PRKCH: variants seen among roughly 807,000 people sequenced by gnomAD.
PRKCH encodes protein kinase C eta type.
PRKCH carries 28 observed loss-of-function variants against 82.5 expected under a neutral mutation model. The ratio of observed to expected loss-of-function variants is 0.34; its 90% CI spans 0.25 to 0.47. The LOEUF (loss-of-function observed/expected upper bound fraction) is 0.47, where lower values mean the gene tolerates loss of function less well. Ranked by LOEUF, PRKCH falls within the 20% of genes least tolerant of loss-of-function variation. The pLI is 1.00. For synonymous variants in PRKCH, 322 were observed against 327.4 expected, an observed-to-expected ratio of 0.98 and a Z score of 0.18; for missense variants, 705 against 881.8, an observed-to-expected ratio of 0.80 and a Z score of 2.54.
chr14:61,468,713 G>A (rs954610490), intron 9 of PRKCH, among the ~76,000 whole-genome samples: 6 of 152,132 alleles, frequency 3.9e-5, no homozygotes, highest in African/African-American at 1.4e-4. Flanking sequence ...GTTGTAACTG[G>A]TCTTGTTTTT....
chr14:61,427,287 G>T (rs1883155064), intron 2 of PRKCH, among the ~76,000 whole-genome samples: 1 of 152,150 alleles, frequency 6.6e-6, no homozygotes, highest in Non-Finnish European at 1.5e-5. Context: ...GAGTGTCTGG[G>T]TTAAGCTAAG....
intron 1 of PRKCH, among the ~76,000 whole-genome samples, chr14:61,325,992 T>C (rs1025501406): frequency 1.3e-5 from 2 of 152,208 alleles, no homozygotes; most frequent in East Asian, 1.9e-4. Flanking sequence ...CACCTGGAAC[T>C]CTCATATGCT....
intron 12 of PRKCH, among the ~76,000 whole-genome samples, chr14:61,534,398 C>G (rs1448517109): frequency 6.6e-6 from 1 of 152,208 alleles, no homozygotes; most frequent in African/African-American, 2.4e-5. Context: ...AGGGCCAGAT[C>G]AAGGTATACT....
intron 1 of PRKCH, chr14:61,347,989 T>G (rs2046019271): frequency 6.6e-6 from 1 of 152,436 alleles, no homozygotes; most frequent in South Asian, 2.1e-4. Flanking sequence ...CCAAGCTGAT[T>G]CTTCTGGGTG....
rs1886172531 is a variant in PRKCH, at chr14:61,485,380, T to G, written c.1279-122T>G. The G allele has an allele frequency of 2.5e-5, 32 of 1,291,416 alleles. No homozygotes were observed. In the South Asian group the frequency reaches 4.3e-4, roughly 17 times the overall value. The allele number at this position is 1,291,416 out of a possible 1,614,324, so 80.0% of individuals were successfully genotyped here. ...GCACCCTGACCCATGGTCAGGATGT[T>G]TCCTGGAATACATCCACTTGACAGT... On this transcript the variant is annotated intron_variant, in intron 9 of 13. Coordinates refer to ENST00000332981, the MANE Select transcript of PRKCH (RefSeq NM_006255.5).
At chr14:61,438,164 G>A (rs907120444) in intron 2 of PRKCH, among the ~76,000 whole-genome samples, 2 of 151,978 alleles carry the variant, frequency 1.3e-5, no homozygotes, top group Non-Finnish European at 2.9e-5. Flanking sequence ...AGCTTATAAG[G>A]GAAGAAGCCG....
Position 61,457,195 on chromosome 14 carries a change from C to T in PRKCH, c.980C>T (p.Thr327Ile). Residue 327 changes from threonine to isoleucine, a missense_variant, in exon 8 of 14, where the codon ACC (threonine) becomes ATC (isoleucine). Around this residue, in one of 5 missense-constraint regions of PRKCH, gnomAD observed 238 missense variants for 258.1 expected, o/e 0.92. Transcript: ENST00000332981. Reference protein sequence around the residue: ...SPTSKLVSRSTLRRQGKESSK... With the variant: ...SPTSKLVSRSILRRQGKESSK... ...TTTCAGAAACTCGTTTCCAGATCGACCCTAAGACGACAGGGAAAGGAGAGC... is the reference window on the plus strand; with the variant it reads ...TTTCAGAAACTCGTTTCCAGATCGATCCTAAGACGACAGGGAAAGGAGAGC... The T allele has an allele frequency of 6.2e-7, 1 of 1,614,030 alleles. No homozygotes were observed. The highest frequency in any genetic ancestry group is 8.5e-7 in the Non-Finnish European group (1 of 1,179,976).
rs77278093 is a variant in PRKCH, at chr14:61,222,440, A to T, written c.-19+34772A>T. Among the ~76,000 whole-genome samples the T allele has an allele frequency of 2.6e-3, 394 of 152,298 alleles. 6 individuals are homozygous for T. The highest frequency in any genetic ancestry group is 0.02 in the East Asian group (105 of 5,182). On this transcript the variant is annotated intron_variant, in intron 1 of 3. Transcript: ENST00000555185. Reference sequence around the variant, plus strand: ...TTTTTAAGACAATAAATGGCATTTTACTTCAAAACTCCCTCATATCCATGG... The same window carrying T: ...TTTTTAAGACAATAAATGGCATTTTTCTTCAAAACTCCCTCATATCCATGG...
chr14:61,191,413 C>T (rs997962458), intron 1 of PRKCH, among the ~76,000 whole-genome samples: 2 of 152,220 alleles, frequency 1.3e-5, no homozygotes, highest in Non-Finnish European at 2.9e-5. Context: ...TGGCTAACGC[C>T]TGTAATCCCA....
intron 1 of PRKCH, among the ~76,000 whole-genome samples, chr14:61,243,790 T>C (rs2140068075): frequency 6.6e-6 from 1 of 152,204 alleles, no homozygotes; most frequent in East Asian, 1.9e-4. Flanking sequence ...TGAAAGTGTT[T>C]TATAAAAAGC....
At chr14:61,535,791 C>G (rs924163335) in intron 12 of PRKCH, among the ~76,000 whole-genome samples, 2 of 152,178 alleles carry the variant, frequency 1.3e-5, no homozygotes, top group Non-Finnish European at 1.5e-5. Context: ...GATTAAGTGA[C>G]TTCTAGGATT....
At chr14:61,494,036 G>A (rs1000604046) in intron 10 of PRKCH, among the ~76,000 whole-genome samples, 1 of 152,160 alleles carries the variant, frequency 6.6e-6, no homozygotes, top group African/African-American at 2.4e-5. Flanking sequence ...AGGCAAAAGA[G>A]GAAGAAGTTT....
In PRKCH at chr14:61,487,764, G is replaced by A. The variant is rs75180087; in HGVS notation, c.1433+2108G>A. 2.6e-4 allele frequency among the ~76,000 whole-genome samples: 40 copies of A among 152,046 alleles called. No homozygotes were observed. The East Asian group carries it at 7.0e-3, about 26-fold the overall frequency. Reference sequence around the variant, plus strand: ...TCCCAGCACCTCGGAAGGCTGAGCGGGGAGGATCGCTTGAGCCTGGAAGTT... The same window carrying A: ...TCCCAGCACCTCGGAAGGCTGAGCGAGGAGGATCGCTTGAGCCTGGAAGTT... On this transcript the variant is annotated intron_variant, in intron 10 of 13. Coordinates refer to ENST00000332981, the MANE Select transcript of PRKCH (RefSeq NM_006255.5).
At chr14:61,505,395 C>CTTTTTTTTTTTTTTTTTTTTTTTTTTTT (rs60304150) in intron 10 of PRKCH, among the ~76,000 whole-genome samples, 8 of 55,764 alleles carry the variant, frequency 1.4e-4, no homozygotes, top group Admixed American at 3.0e-4. Flanking sequence ...CTTTTCTTTT[C>CTTTTTTTTTTTTTTTTTTTTTTTTTTTT]TTTTTTTTTT....
intron 1 of PRKCH, among the ~76,000 whole-genome samples, chr14:61,362,765 T>C (rs2046246705): frequency 6.6e-6 from 1 of 152,232 alleles, no homozygotes; most frequent in South Asian, 2.1e-4. Context: ...GATGACCCTC[T>C]TTGCATCTGA....
chr14:61,443,320 G>A, intron 3 of PRKCH, 59 bp downstream of exon 3: 1 of 1,518,820 alleles, frequency 6.6e-7, no homozygotes, highest in Non-Finnish European at 8.9e-7. Flanking sequence ...GCTTCCTCTG[G>A]TTATGTATGA....
At chr14:61,272,397 A>G (rs1488089321) in intron 1 of PRKCH, among the ~76,000 whole-genome samples, 1 of 115,414 alleles carries the variant, frequency 8.7e-6, no homozygotes, top group East Asian at 2.8e-4. Context: ...TTTGTTAACC[A>G]GGCTAGCATG....
In PRKCH at chr14:61,389,839, T is replaced by G. The variant is rs113861312; in HGVS notation, c.364-1386T>G. ...CAGAATCAGACTAGAGTTCTTGGCCTGGTCTAGTAGGGGGGCTCTTTCCAC... is the reference window on the plus strand; with the variant it reads ...CAGAATCAGACTAGAGTTCTTGGCCGGGTCTAGTAGGGGGGCTCTTTCCAC... On this transcript the variant is annotated intron_variant, in intron 1 of 13. Coordinates refer to ENST00000332981, the MANE Select transcript of PRKCH (RefSeq NM_006255.5). Among the ~76,000 whole-genome samples the G allele has an allele frequency of 8.1e-3, 1,208 of 148,970 alleles. 16 individuals are homozygous for G. The highest frequency in any genetic ancestry group is 0.03 in the African/African-American group (1,152 of 39,018).
chr14:61,499,193 G>A (rs1886792345), intron 10 of PRKCH, among the ~76,000 whole-genome samples: 1 of 152,174 alleles, frequency 6.6e-6, no homozygotes, highest in Admixed American at 6.5e-5. Flanking sequence ...GTTTTAGAGT[G>A]TACCTTTTGA....
Sources: gnomAD v4.1 joint callset for allele counts (sites outside exome capture counted in the v4.1 genomes callset) on GRCh38, gnomAD v4.1.1 for gene constraint, gnomAD v4.1.1 regional missense constraint, MANE v1.5 for transcripts, NCBI Gene and HGNC (gene_info 2026-07-23, HGNC 2026-07-21) for gene names.